PDE11A: variants seen among roughly 807,000 people sequenced by gnomAD.
The protein encoded by PDE11A is dual 3',5'-cyclic-AMP and -GMP phosphodiesterase 11A.
In PDE11A, 100 loss-of-function variants were observed where a neutral mutation model predicts 100.5. The observed-to-expected ratio is 1.00, with a 90% CI of 0.85 to 1.18. The LOEUF (loss-of-function observed/expected upper bound fraction) is 1.18, where lower values mean the gene tolerates loss of function less well. Ranked by LOEUF, PDE11A falls within the 50% of genes most tolerant of loss-of-function variation. The probability of loss-of-function intolerance (pLI) is 0.00; values close to 1 mark genes in which losing one functional copy is unlikely to be tolerated. For synonymous variants in PDE11A, 381 were observed against 420.8 expected, an observed-to-expected ratio of 0.91 and a Z score of 1.16; for missense variants, 1,141 against 1,152.6, an observed-to-expected ratio of 0.99 and a Z score of 0.15.
rs151025824 is a variant in PDE11A, at chr2:177,680,119, C to T, written c.2423+707G>A. Among the ~76,000 whole-genome samples the T allele has an allele frequency of 8.5e-5, 13 of 152,068 alleles. No individual in the cohort carries two copies. The East Asian group carries it at 2.5e-3, about 29-fold the overall frequency. ...TCCGCTTGGGGTAATCCAGTAGTTG[C>T]CTGGTTGTGGAGCAGACCCAGTGTG... On this transcript the variant is annotated intron_variant, in intron 16 of 19. Transcript: ENST00000286063.
At chr2:177,843,675 A>G (rs2083528264) in intron 5 of PDE11A, among the ~76,000 whole-genome samples, 2 of 152,208 alleles carry the variant, frequency 1.3e-5, no homozygotes, top group Non-Finnish European at 2.9e-5. Flanking sequence ...GACTCTGTGC[A>G]AGGCAGGGTT....
chr2:177,840,333 T>C lies in PDE11A; in HGVS notation c.1418A>G (p.Asn473Ser). 1 of 1,613,452 alleles carries C rather than the reference T, an allele frequency of 6.2e-7. No individual in the cohort carries two copies. The highest frequency in any genetic ancestry group is 2.2e-5 in the East Asian group (1 of 44,876). ...KSSYSDWLIN[N>S]SIAELVASTG... ...TGAAGCAACCAGCTCAGCAATGCTG[T>C]TATTTATTAGCCAGTCGGAGTATGA... Residue 473 changes from asparagine (N) to serine (S), a missense_variant, in exon 6 of 20, where the codon AAC becomes AGC. Coordinates refer to ENST00000286063, the MANE Select transcript of PDE11A (RefSeq NM_016953.4).
chr2:177,823,106 T>A (rs529552717), intron 6 of PDE11A, among the ~76,000 whole-genome samples: 1 of 152,302 alleles, frequency 6.6e-6, no homozygotes, highest in South Asian at 2.1e-4. Flanking sequence ...TTAGATTGAT[T>A]GATATTTGAG....
At chr2:177,808,715 G>A (rs1012659594) in intron 9 of PDE11A, among the ~76,000 whole-genome samples, 1 of 152,082 alleles carries the variant, frequency 6.6e-6, no homozygotes, top group Non-Finnish European at 1.5e-5. Context: ...AATTCTAAAG[G>A]TTAGTGGACA....
intron 2 of PDE11A, among the ~76,000 whole-genome samples, chr2:177,988,014 G>C (rs149876588): frequency 3.9e-5 from 6 of 152,300 alleles, no homozygotes; most frequent in African/African-American, 1.2e-4. Context: ...AAGTCACTGA[G>C]TACCACCATT....
intron 2 of PDE11A, among the ~76,000 whole-genome samples, chr2:177,914,527 T>A (rs554290407): frequency 1.3e-5 from 2 of 152,282 alleles, no homozygotes; most frequent in East Asian, 3.9e-4. Context: ...CCTTTGTAAC[T>A]CACAGCTTCT....
At chr2:177,783,382 A>G (rs1200610883) in intron 9 of PDE11A, among the ~76,000 whole-genome samples, 1 of 151,508 alleles carries the variant, frequency 6.6e-6, no homozygotes. Context: ...CAGTGGTTAG[A>G]TTCTAGTCTT....
At chr2:177,636,712 A>G (rs1435528551) in intron 19 of PDE11A, among the ~76,000 whole-genome samples, 1 of 152,192 alleles carries the variant, frequency 6.6e-6, no homozygotes, top group Admixed American at 6.5e-5. Flanking sequence ...TTTGGGTTAG[A>G]TAATTCTTTA....
At chr2:177,815,476 A>G (rs893307239) in intron 9 of PDE11A, among the ~76,000 whole-genome samples, 1 of 152,144 alleles carries the variant, frequency 6.6e-6, no homozygotes, top group Admixed American at 6.5e-5. Flanking sequence ...CCTTACTATA[A>G]AAAGATATTA....
intron 1 of PDE11A, among the ~76,000 whole-genome samples, chr2:178,068,553 A>G (rs1445397712): frequency 6.6e-6 from 1 of 152,154 alleles, no homozygotes; most frequent in South Asian, 2.1e-4. Context: ...AAGAAAAAAT[A>G]CACTGTCTGA....
chr2:177,958,237 T>C lies in PDE11A; in HGVS notation c.1072-53050A>G, dbSNP rs564124993. Among the ~76,000 whole-genome samples, 5 of 152,284 alleles carry C rather than the reference T, an allele frequency of 3.3e-5. No homozygotes were observed. The South Asian group carries it at 1.0e-3, about 32-fold the overall frequency. On this transcript the variant is annotated intron_variant, in intron 2 of 19. Coordinates refer to ENST00000286063, the MANE Select transcript of PDE11A (RefSeq NM_016953.4). Reference sequence around the variant, plus strand: ...ATAGAATCCTCTAGTACATAAAGTATTGCAGCATGTTTTTTTCTCCTCAGT... The same window carrying C: ...ATAGAATCCTCTAGTACATAAAGTACTGCAGCATGTTTTTTTCTCCTCAGT...
chr2:178,029,966 G>C (rs2086524333), intron 1 of PDE11A, among the ~76,000 whole-genome samples: 1 of 152,136 alleles, frequency 6.6e-6, no homozygotes, highest in Admixed American at 6.6e-5. Flanking sequence ...ACAGCAAGAA[G>C]GCCCTCACCA....
chr2:177,679,184 G>A (rs2080824563), intron 16 of PDE11A, among the ~76,000 whole-genome samples: 1 of 152,048 alleles, frequency 6.6e-6, no homozygotes, highest in Admixed American at 6.5e-5. Context: ...GGTGACTGTG[G>A]TTCAACAGAA....
rs572768676 is a variant in PDE11A at position 177,998,464 on chromosome 2, T to C, written c.1071+15838A>G. 562 of 1,303,526 alleles carry C rather than the reference T, an allele frequency of 4.3e-4. 6 individuals are homozygous for C. In the South Asian group the frequency reaches 6.2e-3, roughly 14 times the overall value. 80.7% of individuals were successfully genotyped at this position (1,303,526 alleles called of 1,614,324 possible). ...GAGCCATCTGACTCCAAAAGTTGCA[T>C]TAGTATATCTGCCACTCGAGGAAGA... On this transcript the variant is annotated intron_variant, in intron 2 of 19. Coordinates refer to ENST00000286063, the MANE Select transcript of PDE11A (RefSeq NM_016953.4).
At chr2:177,779,765 G>A (rs2082426661) in intron 9 of PDE11A, among the ~76,000 whole-genome samples, 1 of 152,168 alleles carries the variant, frequency 6.6e-6, no homozygotes, top group Non-Finnish European at 1.5e-5. Flanking sequence ...ATTCAGACAT[G>A]AGGGTTAGAG....
chr2:177,665,948 T>C (rs1181803379), intron 18 of PDE11A, among the ~76,000 whole-genome samples: 1 of 152,224 alleles, frequency 6.6e-6, no homozygotes, highest in Non-Finnish European at 1.5e-5. Flanking sequence ...CTAGTGGATA[T>C]TATAAAGTTA....
chr2:177,952,024 T>C (rs1183497509), intron 2 of PDE11A, among the ~76,000 whole-genome samples: 1 of 152,176 alleles, frequency 6.6e-6, no homozygotes, highest in African/African-American at 2.4e-5. Context: ...GTCATTTACA[T>C]TAGGTATTTC....
chr2:177,637,979 G>A (rs759303133), intron 19 of PDE11A, among the ~76,000 whole-genome samples: 5 of 50,966 alleles, frequency 9.8e-5, no homozygotes, highest in Non-Finnish European at 2.1e-4. Context: ...ATATACACGT[G>A]TATATATATA....
chr2:177,829,471 G>A (rs983528073), intron 6 of PDE11A, among the ~76,000 whole-genome samples: 1 of 151,704 alleles, frequency 6.6e-6, no homozygotes, highest in East Asian at 1.9e-4. Context: ...TTAAGATGGG[G>A]TCTCATGCTA....
Sources: gnomAD v4.1 joint callset for allele counts (sites outside exome capture counted in the v4.1 genomes callset) on GRCh38, gnomAD v4.1.1 for gene constraint, MANE v1.5 for transcripts, NCBI Gene and HGNC (gene_info 2026-07-23, HGNC 2026-07-21) for gene names.